The following TMEM39B variants were observed in gnomAD, a reference collection of about 807,000 sequenced individuals.
TMEM39B encodes the protein transmembrane protein 39B.
Under a neutral mutation model 52.2 loss-of-function variants are expected in TMEM39B, and 23 were observed. The ratio of observed to expected loss-of-function variants is 0.44; its 90% CI spans 0.32 to 0.62. The LOEUF is 0.62. TMEM39B is among the 20% of genes least tolerant of loss of function. The probability of loss-of-function intolerance (pLI) is 0.06; values close to 1 mark genes in which losing one functional copy is unlikely to be tolerated. For synonymous variants in TMEM39B, 285 were observed against 264.0 expected (o/e 1.08, Z -0.77); for missense variants, 547 against 642.0 (o/e 0.85, Z 1.60).
At chr1:32,072,758 G>A (rs1639689853), upstream of TMEM39B, 4 of 507,482 alleles carry the variant, frequency 7.9e-6, no homozygotes, top group East Asian at 3.7e-5. Context: ...AGAGCAGGAG[G>A]TGGGTTCCGT....
chr1:32,100,499 C>T lies in TMEM39B; in HGVS notation c.1173C>T (p.Val391=). ...QGVLVKHSKN[V]YKAVGHYNVA... ...TGCTGGTGAAGCACAGCAAGAACGT[C>T]TACAAAGCCGTAGGCCACTACAACG... Residue 391 remains valine (V), a synonymous_variant, in exon 8 of 9, where the codon GTC becomes GTT. Coordinates refer to ENST00000336294, the MANE Select transcript of TMEM39B (RefSeq NM_018056.4). 6.2e-7 allele frequency: 1 copy of T among 1,613,480 alleles called. No homozygotes were observed. Among genetic ancestry groups the T allele is most frequent in the Non-Finnish European group, 8.5e-7 (1 of 1,179,692 alleles).
At chr1:32,082,320 A>G (rs1191562891) in intron 5 of TMEM39B, among the ~76,000 whole-genome samples, 1 of 152,178 alleles carries the variant, frequency 6.6e-6, no homozygotes, top group African/African-American at 2.4e-5. Flanking sequence ...TCTGAAAATT[A>G]AAAACCAGTA....
intron 5 of TMEM39B, among the ~76,000 whole-genome samples, chr1:32,090,801 G>A (rs1245164494): frequency 6.6e-6 from 1 of 151,978 alleles, no homozygotes; most frequent in Admixed American, 6.6e-5. Context: ...CACCACGCCC[G>A]GCTAATTTTT....
chr1:32,085,704 T>C (rs940674182), intron 5 of TMEM39B, among the ~76,000 whole-genome samples: 3 of 151,772 alleles, frequency 2.0e-5, no homozygotes, highest in Non-Finnish European at 4.4e-5. Context: ...TGAGCTGAGA[T>C]TGCGCCACTG....
At chr1:32,072,819 G>A (rs1036761838), upstream of TMEM39B, 8 of 548,564 alleles carry the variant, frequency 1.5e-5, no homozygotes, top group Non-Finnish European at 2.2e-5. Flanking sequence ...GGGCGTGGGG[G>A]ACCGAGAGAC....
intron 5 of TMEM39B, among the ~76,000 whole-genome samples, 180 bp from the exon 6 acceptor site, chr1:32,091,495 C>T (rs1000630444): frequency 6.6e-6 from 1 of 152,302 alleles, no homozygotes; most frequent in East Asian, 1.9e-4. Flanking sequence ...AGTGGTAATA[C>T]GTGTGCTGAG....
intron 1 of TMEM39B, among the ~76,000 whole-genome samples, 185 bp from the exon 2 acceptor site, chr1:32,074,766 G>A (rs776313804): frequency 5.3e-5 from 8 of 152,124 alleles, no homozygotes; most frequent in Non-Finnish European, 1.0e-4. Flanking sequence ...GGGTGGTAGA[G>A]GGTGGGTGTG....
Position 32,091,918 on chromosome 1 carries a change from C to G in TMEM39B, c.834C>G (p.Leu278=). 2 of 1,614,226 alleles carry G rather than the reference C, an allele frequency of 1.2e-6. No homozygotes were observed. Among genetic ancestry groups the G allele is most frequent in the Non-Finnish European group, 1.7e-6 (2 of 1,180,040 alleles). ...TCATCCGCAGTGAGGTGGAGTTCCTCAAGATGGACTTCAACTGGCGCATGA... is the reference window on the plus strand; with the variant it reads ...TCATCCGCAGTGAGGTGGAGTTCCTGAAGATGGACTTCAACTGGCGCATGA... ...PSLIRSEVEF[L]KMDFNWRMKE... Residue 278 remains leucine, a synonymous_variant, in exon 6 of 9, where the codon CTC becomes CTG. Coordinates refer to ENST00000336294, the MANE Select transcript of TMEM39B (RefSeq NM_018056.4).
At chr1:32,080,812 T>A (rs1201933874) in intron 5 of TMEM39B, among the ~76,000 whole-genome samples, 1 of 152,138 alleles carries the variant, frequency 6.6e-6, no homozygotes, top group Non-Finnish European at 1.5e-5. Context: ...TAAAAATGTT[T>A]ATTGACCAAA....
chr1:32,088,893 T>C (rs1180709240), intron 5 of TMEM39B, among the ~76,000 whole-genome samples: 2 of 152,044 alleles, frequency 1.3e-5, no homozygotes, highest in African/African-American at 4.8e-5. Context: ...CCCCATAGAA[T>C]CACTGGCCTC....
chr1:32,076,864 G>T lies in TMEM39B; in HGVS notation c.435+18G>T. The T allele has an allele frequency of 6.2e-7, 1 of 1,613,550 alleles. No homozygotes were observed. The highest frequency in any genetic ancestry group is 8.5e-7 in the Non-Finnish European group (1 of 1,179,568). On this transcript the variant is annotated intron_variant, in intron 4 of 8. Transcript: ENST00000336294. ...TGAAGGAGGTGATTGGGTCCTAGAGGCTGGCCAGGGACTTTGGGATTCCCC... is the reference window on the plus strand; with the variant it reads ...TGAAGGAGGTGATTGGGTCCTAGAGTCTGGCCAGGGACTTTGGGATTCCCC...
chr1:32,074,966 C>G lies in TMEM39B; in HGVS notation c.20C>G (p.Pro7Arg), dbSNP rs1034299101. MGGRRG[P>R]NRTSYCRNPL... The stretch of plus-strand genomic sequence containing the variant: ...AGCCCCACAGGAGGACGAAGAGGTC[C>G]CAACAGGACATCTTACTGTCGAAAT... The change falls in exon 2 of 9, where the codon CCC (proline) becomes CGC (arginine). Residue 7 changes from proline to arginine, a missense_variant. Coordinates refer to ENST00000336294, the MANE Select transcript of TMEM39B (RefSeq NM_018056.4). The G allele has an allele frequency of 6.4e-7, 1 of 1,551,106 alleles. No individual in the cohort carries two copies. Among genetic ancestry groups the G allele is most frequent in the Non-Finnish European group, 8.7e-7 (1 of 1,146,808 alleles).
chr1:32,076,786 C>T lies in TMEM39B; in HGVS notation c.375C>T (p.Asn125=), dbSNP rs367563162. ...AGAACTTCCATCTGATCGACTTCAA[C>T]TTGCTGATGGTGACCACCATCGTTC... ...TSLNFHLIDF[N]LLMVTTIVLG... The change falls in exon 4 of 9, where the codon AAC becomes AAT. Residue 125 remains asparagine (N), a synonymous_variant. Coordinates refer to ENST00000336294, the MANE Select transcript of TMEM39B (RefSeq NM_018056.4). 88 of 1,614,004 alleles carry T rather than the reference C, an allele frequency of 5.5e-5. 1 individual carries two copies. Among genetic ancestry groups the T allele is most frequent in the Admixed American group, 4.3e-4 (26 of 60,002 alleles).
intron 2 of TMEM39B, 99 bp from the exon 3 acceptor site, chr1:32,075,504 G>A: frequency 1.6e-6 from 2 of 1,269,658 alleles, no homozygotes; most frequent in Admixed American, 2.4e-5. Context: ...CTTGCTATGA[G>A]CTGCTTTTCT....
intron 5 of TMEM39B, among the ~76,000 whole-genome samples, chr1:32,080,130 C>G (rs190491136): frequency 2.8e-4 from 42 of 151,758 alleles, no homozygotes; most frequent in Admixed American, 1.4e-3. Context: ...CCTCGTGATC[C>G]GCCCACCTTG....
At chr1:32,083,958 G>C in intron 5 of TMEM39B, among the ~76,000 whole-genome samples, 1 of 149,408 alleles carries the variant, frequency 6.7e-6, no homozygotes. Context: ...GCACTCCAGC[G>C]TGGGCAATAG....
At chr1:32,077,553 G>A (rs890300794) in intron 5 of TMEM39B, among the ~76,000 whole-genome samples, 1 of 152,190 alleles carries the variant, frequency 6.6e-6, no homozygotes, top group African/African-American at 2.4e-5. Context: ...GTCAGAATGG[G>A]ACTCAGATCT....
At chr1:32,075,125 A>C (rs1639798977) in intron 2 of TMEM39B, 48 bp downstream of exon 2, 2 of 1,524,458 alleles carry the variant, frequency 1.3e-6, no homozygotes, top group East Asian at 2.5e-5. Context: ...CACAGGGACG[A>C]TGTGGACAGG....
intron 5 of TMEM39B, among the ~76,000 whole-genome samples, chr1:32,077,836 T>C (rs536938095): frequency 3.3e-5 from 5 of 152,292 alleles, no homozygotes; most frequent in Admixed American, 6.5e-5. Context: ...GTGTATGCCT[T>C]TGTGCCTGTT....
Sources: gnomAD v4.1 joint callset for allele counts (sites outside exome capture counted in the v4.1 genomes callset) on GRCh38, gnomAD v4.1.1 for gene constraint, MANE v1.5 for transcripts, NCBI Gene and HGNC (gene_info 2026-07-23, HGNC 2026-07-21) for gene names.